Variants in ACACA observed in about 807,000 individuals in gnomAD.
The protein encoded by ACACA is acetyl-CoA carboxylase 1.
A neutral mutation model predicts 296.1 loss-of-function variants in ACACA; 103 were observed. The observed-to-expected ratio is 0.35, with a 90% CI of 0.30 to 0.41. ACACA has a LOEUF of 0.41. Ranked by LOEUF, ACACA falls within the 10% of genes least tolerant of loss-of-function variation. ACACA has a pLI of 1.00. For synonymous variants in ACACA, 953 were observed against 1,038.6 expected (o/e 0.92, Z 1.58); for missense variants, 1,554 against 2,989.7 (o/e 0.52, Z 11.20).
intron 16 of ACACA, among the ~76,000 whole-genome samples, chr17:37,250,238 C>T (rs992144345): frequency 1.3e-5 from 2 of 152,130 alleles, no homozygotes; most frequent in African/African-American, 2.4e-5. Context: ...CTATAGGGGA[C>T]GGAAACTGGA....
At chr17:37,359,687 T>C (rs2049325928) in intron 1 of ACACA, among the ~76,000 whole-genome samples, 1 of 152,146 alleles carries the variant, frequency 6.6e-6, no homozygotes, top group Non-Finnish European at 1.5e-5. Context: ...CGGGCCCGTT[T>C]GTCTGTTTAA....
intron 45 of ACACA, among the ~76,000 whole-genome samples, chr17:37,137,235 C>T (rs1010999166): frequency 6.6e-6 from 1 of 152,080 alleles, no homozygotes; most frequent in Non-Finnish European, 1.5e-5. Context: ...GTTTGTCAGT[C>T]GCCTCCTACT....
At chr17:37,119,670 A>G (rs2074430239) in intron 50 of ACACA, among the ~76,000 whole-genome samples, 1 of 151,196 alleles carries the variant, frequency 6.6e-6, no homozygotes. Flanking sequence ...TTTGCCAAGG[A>G]GGCCTGGCCA....
intron 54 of ACACA, among the ~76,000 whole-genome samples, chr17:37,093,780 G>C (rs753638334): frequency 2.6e-4 from 40 of 152,272 alleles, no homozygotes; most frequent in Middle Eastern, 3.4e-3. Context: ...TTACAGGCGT[G>C]AGCCACCACA....
intron 3 of ACACA, among the ~76,000 whole-genome samples, chr17:37,304,069 C>G (rs2083755571): frequency 1.3e-5 from 2 of 152,146 alleles, no homozygotes; most frequent in African/African-American, 4.8e-5. Flanking sequence ...TTGCATTTTC[C>G]TAATACCTAA....
chr17:37,308,008 C>T (rs929819328), intron 3 of ACACA, among the ~76,000 whole-genome samples: 1 of 151,968 alleles, frequency 6.6e-6, no homozygotes. Flanking sequence ...TACATAGAAC[C>T]TATAATCACC....
chr17:37,325,135 A>G (rs2047544985), intron 3 of ACACA, among the ~76,000 whole-genome samples: 2 of 150,358 alleles, frequency 1.3e-5, no homozygotes, highest in Non-Finnish European at 3.0e-5. Context: ...CAGGAGGCGG[A>G]GGTTGCAGTG....
At chr17:37,344,100 T>C (rs1476121520) in intron 1 of ACACA, among the ~76,000 whole-genome samples, 1 of 150,856 alleles carries the variant, frequency 6.6e-6, no homozygotes, top group African/African-American at 2.4e-5. Flanking sequence ...AGATAAAAAA[T>C]AAAAAAGAAA....
chr17:37,119,684 AG>A (rs2074431126), intron 50 of ACACA, among the ~76,000 whole-genome samples: 1 of 151,246 alleles, frequency 6.6e-6, no homozygotes. Context: ...CTGGCCATAC[AG>A]GGCTCTTCCT....
At chr17:37,247,093 A>G in intron 18 of ACACA, 117 bp from the exon 19 acceptor site, 1 of 1,104,024 alleles carries the variant, frequency 9.1e-7, no homozygotes, top group Non-Finnish European at 1.4e-6. Context: ...ATACACACAC[A>G]CAGACATATT....
chr17:37,286,068 T>C (rs2046169654), intron 3 of ACACA, among the ~76,000 whole-genome samples: 2 of 152,078 alleles, frequency 1.3e-5, no homozygotes, highest in African/African-American at 4.8e-5. Context: ...TTTTGTATTT[T>C]TAGTAGAGAC....
intron 47 of ACACA, among the ~76,000 whole-genome samples, chr17:37,126,637 C>A (rs1351975754): frequency 6.6e-6 from 1 of 152,180 alleles, no homozygotes; most frequent in Non-Finnish European, 1.5e-5. Context: ...CATGGCCCTC[C>A]ACCCCCTAAA....
At chr17:37,314,012 T>G (rs545523205) in intron 3 of ACACA, among the ~76,000 whole-genome samples, 1 of 151,898 alleles carries the variant, frequency 6.6e-6, no homozygotes, top group Non-Finnish European at 1.5e-5. Context: ...AGAGAGTATA[T>G]CTACTCCATA....
intron 23 of ACACA, among the ~76,000 whole-genome samples, chr17:37,241,318 G>A (rs1346339995): frequency 6.6e-6 from 1 of 152,052 alleles, no homozygotes; most frequent in African/African-American, 2.4e-5. Flanking sequence ...AAGCTAAGAA[G>A]AAAAAATGTC....
At chr17:37,297,495 A>G (rs1183810226) in intron 3 of ACACA, among the ~76,000 whole-genome samples, 2 of 148,122 alleles carry the variant, frequency 1.4e-5, no homozygotes, top group Non-Finnish European at 3.0e-5. Flanking sequence ...ATATATATGT[A>G]TATATGTGCG....
At chr17:37,111,428 A>T in intron 52 of ACACA, 103 bp downstream of exon 52, 6 of 857,896 alleles carry the variant, frequency 7.0e-6, no homozygotes, top group Non-Finnish European at 1.2e-5. Flanking sequence ...ATTATCATGA[A>T]TTTGATCAAA....
At chr17:37,130,036 C>T in intron 46 of ACACA, 39 bp downstream of exon 46, 1 of 1,613,038 alleles carries the variant, frequency 6.2e-7, no homozygotes, top group Admixed American at 1.7e-5. Flanking sequence ...AAATGACAGG[C>T]TCTGCAGGCC....
chr17:37,188,054 T>C (rs946916886), intron 39 of ACACA, among the ~76,000 whole-genome samples: 2 of 152,204 alleles, frequency 1.3e-5, no homozygotes, highest in Non-Finnish European at 2.9e-5. Flanking sequence ...TACCAATACA[T>C]GACAAATGGT....
At chr17:37,092,098 G>A (rs963520195) in intron 54 of ACACA, among the ~76,000 whole-genome samples, 2 of 151,642 alleles carry the variant, frequency 1.3e-5, no homozygotes, top group Non-Finnish European at 2.9e-5. Flanking sequence ...ACCAGCCTGG[G>A]CAACATGGCA....
Sources: gnomAD v4.1 joint callset for allele counts (sites outside exome capture counted in the v4.1 genomes callset) on GRCh38, gnomAD v4.1.1 for gene constraint, MANE v1.5 for transcripts, NCBI Gene and HGNC (gene_info 2026-07-23, HGNC 2026-07-21) for gene names.